The following MOB3B variants were observed in gnomAD, a reference collection of about 807,000 sequenced individuals.
MOB3B encodes MOB kinase activator-like 2B.
MOB3B carries 7 observed loss-of-function variants against 18.7 expected under a neutral mutation model. The observed-to-expected ratio is 0.37, with a 90% CI of 0.21 to 0.70. The LOEUF is 0.70. Among genes scored for constraint, MOB3B ranks in the 30% least tolerant of loss-of-function variants. The pLI is 0.52. For missense variants in MOB3B, 253 were observed against 281.3 expected, an observed-to-expected ratio of 0.90 and a Z score of 0.72; for synonymous variants, 111 against 99.9, an observed-to-expected ratio of 1.11 and a Z score of -0.66.
chr9:27,507,513 A>G (rs751903870), intron 1 of MOB3B, among the ~76,000 whole-genome samples: 1 of 152,186 alleles, frequency 6.6e-6, no homozygotes, highest in Non-Finnish European at 1.5e-5. Context: ...CAGGACTGGC[A>G]TGGACATTTT....
rs1382846888 is a variant in MOB3B at position 27,325,334 on chromosome 9, C to G, written c.*5253G>C. ...TTTAATTGTTAGTTTTCCTTATAGT[C>G]AAATGCTTAATACAATCATAAATGG... is the stretch of plus-strand genomic sequence containing the variant. On this transcript the variant is annotated 3_prime_UTR_variant, in exon 4 of 4. Transcript: ENST00000262244. 6.6e-6 allele frequency: 1 copy of G among 152,052 alleles called. No individual in the cohort carries two copies. Among genetic ancestry groups the G allele is most frequent in the Admixed American group, 6.5e-5 (1 of 15,280 alleles). 9.4% of individuals were successfully genotyped at this position (152,052 alleles called of 1,614,324 possible).
chr9:27,363,851 C>A (rs905767691), intron 2 of MOB3B, among the ~76,000 whole-genome samples: 2 of 152,218 alleles, frequency 1.3e-5, no homozygotes, highest in East Asian at 1.9e-4. Context: ...AAGCAATCCT[C>A]CTGCCTCAGC....
intron 3 of MOB3B, among the ~76,000 whole-genome samples, chr9:27,342,309 T>C (rs1355386106): frequency 6.6e-6 from 1 of 152,230 alleles, no homozygotes; most frequent in Non-Finnish European, 1.5e-5. Flanking sequence ...ATTTATTTAA[T>C]CTATAAATAG....
chr9:27,433,194 C>G (rs1407597995), intron 2 of MOB3B, among the ~76,000 whole-genome samples: 1 of 151,644 alleles, frequency 6.6e-6, no homozygotes, highest in African/African-American at 2.4e-5. Flanking sequence ...TAAACATTAT[C>G]TCATTTATGT....
intron 2 of MOB3B, among the ~76,000 whole-genome samples, chr9:27,451,387 A>T (rs1041239653): frequency 6.6e-6 from 1 of 152,222 alleles, no homozygotes; most frequent in Non-Finnish European, 1.5e-5. Flanking sequence ...AAGAGAGAGT[A>T]AGGGAAACTA....
intron 2 of MOB3B, among the ~76,000 whole-genome samples, chr9:27,364,751 T>G (rs1453893658): frequency 6.7e-6 from 1 of 148,770 alleles, no homozygotes; most frequent in Non-Finnish European, 1.5e-5. Flanking sequence ...CTAAAAGGTT[T>G]AGCTTACTGC....
intron 1 of MOB3B, among the ~76,000 whole-genome samples, chr9:27,508,458 G>T (rs1156838188): frequency 2.0e-5 from 3 of 151,874 alleles, no homozygotes; most frequent in African/African-American, 7.3e-5. Context: ...GAGTGAAGAG[G>T]CAGTTTCCCT....
At chr9:27,412,488 C>T (rs77904507) in intron 2 of MOB3B, among the ~76,000 whole-genome samples, 1 of 152,130 alleles carries the variant, frequency 6.6e-6, no homozygotes, top group African/African-American at 2.4e-5. Context: ...TGCTCAGTAC[C>T]AGGAGTCAAT....
intron 1 of MOB3B, among the ~76,000 whole-genome samples, chr9:27,528,946 A>T (rs1820484744): frequency 1.3e-5 from 2 of 152,146 alleles, no homozygotes; most frequent in South Asian, 4.1e-4. Flanking sequence ...CTGGGATTCC[A>T]GATGTTTGAC....
intron 1 of MOB3B, among the ~76,000 whole-genome samples, chr9:27,513,910 T>TGGAC (rs1820185537): frequency 3.1e-3 from 1 of 322 alleles, no homozygotes; most frequent in South Asian, 0.17. Flanking sequence ...GATGGATGGA[T>TGGAC]GGATGGATGG....
chr9:27,333,230 A>G (rs1227745493), intron 3 of MOB3B, among the ~76,000 whole-genome samples: 2 of 152,170 alleles, frequency 1.3e-5, no homozygotes, highest in Non-Finnish European at 2.9e-5. Flanking sequence ...AAGGGAATGT[A>G]TGGTTGAAAT....
intron 1 of MOB3B, among the ~76,000 whole-genome samples, chr9:27,494,933 G>C: frequency 6.6e-6 from 1 of 152,210 alleles, no homozygotes; most frequent in East Asian, 1.9e-4. Flanking sequence ...CAACAGGTCT[G>C]GTTCAGGTGA....
chr9:27,427,706 GA>G (rs1822356971), intron 2 of MOB3B, among the ~76,000 whole-genome samples: 1 of 152,144 alleles, frequency 6.6e-6, no homozygotes, highest in African/African-American at 2.4e-5. Context: ...GATCTAGTTG[GA>G]ATCTGTGTTT....
At chr9:27,371,544 A>G (rs1278151930) in intron 2 of MOB3B, among the ~76,000 whole-genome samples, 1 of 152,242 alleles carries the variant, frequency 6.6e-6, no homozygotes, top group Non-Finnish European at 1.5e-5. Context: ...CTAAAATCTT[A>G]TCTCTGGGTC....
At chr9:27,442,926 C>T (rs1053228982) in intron 2 of MOB3B, among the ~76,000 whole-genome samples, 1 of 152,178 alleles carries the variant, frequency 6.6e-6, no homozygotes. Context: ...TTCAAAGTAA[C>T]AGCCCTGTGG....
At chr9:27,442,532 C>A (rs1038091189) in intron 2 of MOB3B, among the ~76,000 whole-genome samples, 9 of 152,200 alleles carry the variant, frequency 5.9e-5, no homozygotes, top group Non-Finnish European at 1.3e-4. Flanking sequence ...TGGCAGGAGA[C>A]TGGAGGAGGG....
rs367713101 is a variant in MOB3B, at chr9:27,478,921, T to A, written c.-198-23173A>T. On this transcript the variant is annotated intron_variant, in intron 1 of 3. Coordinates refer to ENST00000262244, the MANE Select transcript of MOB3B (RefSeq NM_024761.5). ...AAGCAACCAGAGAGAAAAAGATAAA[T>A]TACAAACTTAATAATGGCAATTAGA... Among the ~76,000 whole-genome samples, 92 of 147,422 alleles carry A rather than the reference T, an allele frequency of 6.2e-4. 6 individuals carry two copies. In the South Asian group the frequency reaches 0.014, roughly 22 times the overall value.
intron 1 of MOB3B, among the ~76,000 whole-genome samples, chr9:27,479,310 A>C (rs967370315): frequency 1.3e-5 from 2 of 152,126 alleles, no homozygotes; most frequent in Admixed American, 6.5e-5. Context: ...TACTACAATG[A>C]ACTTACTCCC....
At chr9:27,505,168 T>C (rs867419303) in intron 1 of MOB3B, among the ~76,000 whole-genome samples, 1 of 152,308 alleles carries the variant, frequency 6.6e-6, no homozygotes, top group Middle Eastern at 3.4e-3. Context: ...AGCTATTATT[T>C]TACCTACCAT....
Sources: gnomAD v4.1 joint callset for allele counts (sites outside exome capture counted in the v4.1 genomes callset) on GRCh38, gnomAD v4.1.1 for gene constraint, MANE v1.5 for transcripts, NCBI Gene and HGNC (gene_info 2026-07-23, HGNC 2026-07-21) for gene names.